SRCIN1: variants seen among roughly 807,000 people sequenced by gnomAD.
SRCIN1 encodes the protein SRC kinase signaling inhibitor 1.
SRCIN1 carries 50 observed loss-of-function variants against 116.2 expected under a neutral mutation model. The observed-to-expected ratio is 0.43, with a 90% CI of 0.34 to 0.54. The LOEUF (loss-of-function observed/expected upper bound fraction) is 0.54. Ranked by LOEUF, SRCIN1 falls within the 20% of genes least tolerant of loss-of-function variation. The probability of loss-of-function intolerance (pLI) is 0.02; values close to 1 mark genes in which losing one functional copy is unlikely to be tolerated. For synonymous variants in SRCIN1, 736 were observed against 750.0 expected (o/e 0.98, Z 0.30); for missense variants, 1,446 against 1,672.0 (o/e 0.86, Z 2.36).
At chr17:38,605,448 C>T (rs1435458839) in intron 1 of SRCIN1, among the ~76,000 whole-genome samples, 2 of 149,600 alleles carry the variant, frequency 1.3e-5, no homozygotes, top group Admixed American at 6.6e-5. Context: ...CGCCACCCTG[C>T]CCCCTTCTCT....
chr17:38,554,288 CG>C (rs1236766227), intron 11 of SRCIN1, among the ~76,000 whole-genome samples: 1 of 152,094 alleles, frequency 6.6e-6, no homozygotes, highest in African/African-American at 2.4e-5. Flanking sequence ...GGAAAGCACG[CG>C]GCAAAGGGCT....
At chr17:38,566,205 G>T (rs1002258827) in intron 3 of SRCIN1, among the ~76,000 whole-genome samples, 1 of 152,124 alleles carries the variant, frequency 6.6e-6, no homozygotes, top group African/African-American at 2.4e-5. Context: ...GCAGAACAGG[G>T]GTCCAAATGA....
Position 38,533,349 on chromosome 17 carries a change from G to C in SRCIN1, c.3500C>G (p.Ser1167Cys). ...VSEKPSASRT[S>C]IPVLTSFGAR... ...CCCAAAGGAAGTCAATACAGGGATA[G>C]AGGTTCTGGAAGCCGAGGGCTTTTC... Residue 1167 changes from serine (S) to cysteine (C), a missense_variant, in exon 19 of 19, where the codon TCT (serine) becomes TGT (cysteine). This residue lies in a region of SRCIN1 where 531 missense variants were observed against 633.9 expected (regional missense o/e 0.84). Coordinates refer to ENST00000617146, the MANE Select transcript of SRCIN1 (RefSeq NM_025248.3). The C allele has an allele frequency of 1.9e-6, 3 of 1,604,496 alleles. No individual in the cohort carries two copies. The highest frequency in any genetic ancestry group is 2.6e-6 in the Non-Finnish European group (3 of 1,175,662).
chr17:38,557,288 G>A (rs1905871909), intron 11 of SRCIN1, among the ~76,000 whole-genome samples: 1 of 152,242 alleles, frequency 6.6e-6, no homozygotes. Flanking sequence ...GGCTCCCGGA[G>A]TCACTGGCCA....
chr17:38,535,209 CTT>C (rs71138630), intron 18 of SRCIN1, among the ~76,000 whole-genome samples: 9 of 128,900 alleles, frequency 7.0e-5, no homozygotes, highest in Non-Finnish European at 1.1e-4. Context: ...CTTTTTCTTT[CTT>C]TTTTTTTTTT....
At chr17:38,578,423 G>C in intron 2 of SRCIN1, 67 bp downstream of exon 2, 1 of 1,492,732 alleles carries the variant, frequency 6.7e-7, no homozygotes, top group South Asian at 1.3e-5. Context: ...CGGAGCACGG[G>C]GTCAGACCTC....
At chr17:38,600,303 G>T (rs1384334988) in intron 1 of SRCIN1, among the ~76,000 whole-genome samples, 1 of 152,238 alleles carries the variant, frequency 6.6e-6, no homozygotes, top group Non-Finnish European at 1.5e-5. Flanking sequence ...AGCGACCAAG[G>T]CATGCGAAGA....
chr17:38,592,058 C>T (rs1234825277), intron 1 of SRCIN1, among the ~76,000 whole-genome samples: 1 of 152,256 alleles, frequency 6.6e-6, no homozygotes, highest in African/African-American at 2.4e-5. Context: ...TGCTAACCTA[C>T]TTCCTCCTCC....
Position 38,604,864 on chromosome 17 carries a change from A to C in SRCIN1, c.22+820T>G, listed in dbSNP as rs1597946201. On this transcript the variant is annotated intron_variant, in intron 1 of 18. Coordinates refer to ENST00000617146, the MANE Select transcript of SRCIN1 (RefSeq NM_025248.3). This position sits in a 1 kb window ranked among gnomAD's most constrained non-coding sequence, Gnocchi z 4.3. ...GCCTGCCTTCCCTATCTTCTCACTC[A>C]CCCTAGATGCCCTCCCCAGCTGGGG... Among the ~76,000 whole-genome samples the C allele has an allele frequency of 3.3e-5, 4 of 121,606 alleles. No individual in the cohort carries two copies. The highest frequency in any genetic ancestry group is 5.0e-5 in the Non-Finnish European group (3 of 59,814). The allele number at this position is 121,606 out of a possible 152,430, so 79.8% of individuals were successfully genotyped here.
chr17:38,534,801 T>C (rs1567847036), intron 18 of SRCIN1, among the ~76,000 whole-genome samples: 1 of 152,206 alleles, frequency 6.6e-6, no homozygotes, highest in Non-Finnish European at 1.5e-5. Flanking sequence ...CTCACTACAG[T>C]GTAGTTTGCC....
intron 2 of SRCIN1, among the ~76,000 whole-genome samples, chr17:38,570,107 A>T (rs1182794616): frequency 6.6e-6 from 1 of 152,140 alleles, no homozygotes. Context: ...TCTCAGACAC[A>T]TCCTCTGATA....
rs189406377 is a variant in SRCIN1, at chr17:38,604,175, A to G, written c.22+1509T>C. ...CAGACCAAGATACCAAGAGTCGGGA[A>G]GAAGGTATCCTGACGACCCCCCAAA... On this transcript the variant is annotated intron_variant, in intron 1 of 18. Coordinates refer to ENST00000617146, the MANE Select transcript of SRCIN1 (RefSeq NM_025248.3). The surrounding 1 kb of genome is among the most constrained non-coding windows in gnomAD (Gnocchi z 4.3). Among the ~76,000 whole-genome samples the G allele has an allele frequency of 1.5e-3, 228 of 152,286 alleles. 1 individual carries two copies. Among genetic ancestry groups the G allele is most frequent in the African/African-American group, 5.3e-3 (219 of 41,550 alleles).
At position 38,558,150 on chromosome 17, in the gene SRCIN1, C is replaced by A. The variant is rs779758244; in HGVS notation, c.2201+77G>T. On this transcript the variant is annotated intron_variant, in intron 11 of 18. Transcript: ENST00000617146. This position sits in a 1 kb window ranked among gnomAD's most constrained non-coding sequence, Gnocchi z 4.6. ...CTGTGACTCAGAGGGAAGGGAGCTG[C>A]GCCTCCCAGGGAAACCAGGTTGCGG... 6.6e-7 allele frequency: 1 copy of A among 1,526,404 alleles called. No individual in the cohort carries two copies. Among genetic ancestry groups the A allele is most frequent in the Non-Finnish European group, 8.9e-7 (1 of 1,119,902 alleles). The allele number at this position is 1,526,404 out of a possible 1,614,324, so 94.6% of individuals were successfully genotyped here.
At chr17:38,574,719 G>A (rs1200249020) in intron 2 of SRCIN1, among the ~76,000 whole-genome samples, 1 of 152,144 alleles carries the variant, frequency 6.6e-6, no homozygotes, top group Non-Finnish European at 1.5e-5. Context: ...ATGTGAGTAC[G>A]GGACACAGAA....
chr17:38,543,636 CCGGGATCGGGAGGAGGA>C (rs1038043583), intron 18 of SRCIN1, among the ~76,000 whole-genome samples, 170 bp downstream of exon 18: 1 of 152,122 alleles, frequency 6.6e-6, no homozygotes, highest in Non-Finnish European at 1.5e-5. Flanking sequence ...ATCCAAAGCT[CCGGGATCGGGAGGAGGA>C]GGGAGAAGAC....
At position 38,562,096 on chromosome 17, in the gene SRCIN1, G is replaced by A. The variant is rs1324256368; in HGVS notation, c.1067C>T (p.Pro356Leu). 1.4e-6 allele frequency: 2 copies of A among 1,436,534 alleles called. No homozygotes were observed. Among genetic ancestry groups the A allele is most frequent in the Non-Finnish European group, 1.8e-6 (2 of 1,101,154 alleles). The allele number at this position is 1,436,534 out of a possible 1,614,324, so 89.0% of individuals were successfully genotyped here. A position where few individuals can be genotyped will look rare whatever the true frequency, so the allele number is the denominator to read the frequency against. The change falls in exon 7 of 19, where the codon CCG becomes CTG. Residue 356 changes from proline to leucine, a missense_variant. Around this residue, in one of 5 missense-constraint regions of SRCIN1, gnomAD observed 239 missense variants for 317.7 expected, o/e 0.75. Coordinates refer to ENST00000617146, the MANE Select transcript of SRCIN1 (RefSeq NM_025248.3). The surrounding 1 kb of genome is among the most constrained non-coding windows in gnomAD (Gnocchi z 4.2). ...GCTGGGGCTGACGCCCTGGGCGGCC[G>A]GGGCGCCTCCCAGCCTCTCGGCCGC... ...HHAAERLGGA[P>L]AAQGVSPSPS...
chr17:38,561,406 C>A (rs921748128), intron 7 of SRCIN1, 57 bp downstream of exon 7: 7 of 1,436,394 alleles, frequency 4.9e-6, no homozygotes, highest in Non-Finnish European at 6.4e-6. Context: ...TGCTGTGAAC[C>A]CTCTCCGCAG....
intron 1 of SRCIN1, among the ~76,000 whole-genome samples, chr17:38,587,492 C>T (rs574627134): frequency 1.8e-4 from 27 of 152,238 alleles, no homozygotes; most frequent in Non-Finnish European, 3.4e-4. Flanking sequence ...AGATGCCTTT[C>T]CTAGGCAGGA....
At chr17:38,560,533 G>GCCC in intron 7 of SRCIN1, 108 bp from the exon 8 acceptor site, 1 of 940,556 alleles carries the variant, frequency 1.1e-6, no homozygotes. Context: ...TCCCATCCCT[G>GCCC]GCTGCCAAAA....
Sources: gnomAD v4.1 joint callset for allele counts (sites outside exome capture counted in the v4.1 genomes callset) on GRCh38, gnomAD v4.1.1 for gene constraint, gnomAD v4.1.1 regional missense constraint, Gnocchi (gnomAD v3.1) non-coding constraint, MANE v1.5 for transcripts, NCBI Gene and HGNC (gene_info 2026-07-23, HGNC 2026-07-21) for gene names.